CNTN5: variants seen among roughly 807,000 people sequenced by gnomAD.
CNTN5 encodes contactin 5.
Under a neutral mutation model 129.1 loss-of-function variants are expected in CNTN5, and 77 were observed. That is an observed-to-expected ratio of 0.60 (90% confidence interval 0.50 to 0.72). CNTN5 has a LOEUF of 0.72. Among genes scored for constraint, CNTN5 ranks in the 30% least tolerant of loss-of-function variants. The pLI is 0.00. For missense variants in CNTN5, 1,478 were observed against 1,328.8 expected (o/e 1.11, Z -1.75); for synonymous variants, 509 against 465.6 (o/e 1.09, Z -1.20).
At chr11:99,387,756 G>T (rs544588894) in intron 2 of CNTN5, among the ~76,000 whole-genome samples, 10 of 152,148 alleles carry the variant, frequency 6.6e-5, no homozygotes, top group Middle Eastern at 3.4e-3. Context: ...TTGACCTTAT[G>T]CTGGGATATT....
At chr11:100,144,284 A>C (rs1039326137) in intron 13 of CNTN5, among the ~76,000 whole-genome samples, 1 of 152,104 alleles carries the variant, frequency 6.6e-6, no homozygotes, top group Non-Finnish European at 1.5e-5. Flanking sequence ...TTTATTGTAT[A>C]GTGCTGGGGT....
intron 1 of CNTN5, among the ~76,000 whole-genome samples, chr11:99,275,105 A>G (rs1408346429): frequency 6.6e-6 from 1 of 151,306 alleles, no homozygotes; most frequent in Admixed American, 6.6e-5. Context: ...ATTTACTTAT[A>G]TATAATGAAT....
chr11:100,282,942 T>G (rs1462274852), intron 18 of CNTN5, among the ~76,000 whole-genome samples: 2 of 152,218 alleles, frequency 1.3e-5, no homozygotes, highest in East Asian at 3.9e-4. Flanking sequence ...TAAGTTAGCT[T>G]TTGGCGAATG....
At chr11:99,168,118 A>AT (rs1476565165) in intron 1 of CNTN5, among the ~76,000 whole-genome samples, 3 of 151,846 alleles carry the variant, frequency 2.0e-5, no homozygotes, top group African/African-American at 7.3e-5. Flanking sequence ...ATTTTTTAAT[A>AT]TTTTTTGTAG....
At chr11:99,792,213 C>T (rs1350102319) in intron 3 of CNTN5, among the ~76,000 whole-genome samples, 1 of 152,096 alleles carries the variant, frequency 6.6e-6, no homozygotes, top group African/African-American at 2.4e-5. Context: ...TTTGCCTATT[C>T]AGTATGATGT....
intron 3 of CNTN5, among the ~76,000 whole-genome samples, chr11:99,566,966 ATACT>A (rs1240914329): frequency 2.6e-5 from 4 of 152,234 alleles, no homozygotes; most frequent in Non-Finnish European, 4.4e-5. Context: ...AATAAGAATA[ATACT>A]TAATTAGGTT....
intron 1 of CNTN5, among the ~76,000 whole-genome samples, chr11:99,092,007 T>G (rs1298837965): frequency 6.6e-6 from 1 of 152,116 alleles, no homozygotes; most frequent in Admixed American, 6.6e-5. Flanking sequence ...AAGTATGATA[T>G]CCCTGGAATA....
At position 100,163,615 on chromosome 11, in the gene CNTN5, A is replaced by AATC. The variant is rs1295833297; in HGVS notation, c.1581-27509_1581-27507dup. ...AATACCAGAGGTCCTGAAATCAATCAATCAGTTGTCTGACCTACTGCCTAC... is the reference window on the plus strand; with the variant it reads ...AATACCAGAGGTCCTGAAATCAATCAATCATCAGTTGTCTGACCTACTGCCTAC... On this transcript the variant is annotated intron_variant, in intron 13 of 24. Coordinates refer to ENST00000524871, the MANE Select transcript of CNTN5 (RefSeq NM_014361.4). 2.0e-5 allele frequency among the ~76,000 whole-genome samples: 3 copies of AATC among 151,952 alleles called. No individual in the cohort carries two copies. In the East Asian group the frequency reaches 5.8e-4, roughly 30 times the overall value.
intron 3 of CNTN5, among the ~76,000 whole-genome samples, chr11:99,775,252 T>G (rs1027459115): frequency 6.6e-6 from 1 of 152,140 alleles, no homozygotes; most frequent in Non-Finnish European, 1.5e-5. Flanking sequence ...GTAAAATATC[T>G]TGCTTTTTTA....
At chr11:99,921,646 C>T (rs931435175) in intron 7 of CNTN5, among the ~76,000 whole-genome samples, 6 of 152,270 alleles carry the variant, frequency 3.9e-5, no homozygotes, top group African/African-American at 1.2e-4. Flanking sequence ...CATAGTTTGT[C>T]TCCTTCGGTT....
chr11:100,124,942 G>T (rs192439241), intron 13 of CNTN5, among the ~76,000 whole-genome samples: 3 of 152,146 alleles, frequency 2.0e-5, no homozygotes, highest in Admixed American at 2.0e-4. Context: ...AATCTGGATG[G>T]CTTGTTGAAA....
intron 2 of CNTN5, among the ~76,000 whole-genome samples, chr11:99,421,841 G>C (rs947057346): frequency 6.6e-6 from 1 of 151,830 alleles, no homozygotes; most frequent in Non-Finnish European, 1.5e-5. Context: ...TGGAAATATG[G>C]CTTTTACTAG....
chr11:99,138,548 A>T (rs7108350), intron 1 of CNTN5, among the ~76,000 whole-genome samples: 138,259 of 152,242 alleles, frequency 0.91, 63,031 homozygotes, highest in East Asian at 0.99. Flanking sequence ...ATAGGATGTT[A>T]TGACATTTAA....
intron 3 of CNTN5, among the ~76,000 whole-genome samples, chr11:99,713,287 T>TTTG (rs951120277): frequency 2.6e-5 from 4 of 151,186 alleles, no homozygotes; most frequent in Admixed American, 6.6e-5. Flanking sequence ...CTCTCTGTTT[T>TTTG]TTGTTGTTGT....
intron 6 of CNTN5, among the ~76,000 whole-genome samples, chr11:99,904,127 C>G (rs1949431885): frequency 6.6e-6 from 1 of 151,902 alleles, no homozygotes; most frequent in Admixed American, 6.6e-5. Context: ...AATTTTGTAT[C>G]TTATATATGC....
At chr11:99,078,673 T>A (rs1263553066) in intron 1 of CNTN5, among the ~76,000 whole-genome samples, 1 of 152,172 alleles carries the variant, frequency 6.6e-6, no homozygotes, top group African/African-American at 2.4e-5. Flanking sequence ...GTACGTTAAG[T>A]GAAATAATCC....
At chr11:99,628,690 C>G (rs542015557) in intron 3 of CNTN5, among the ~76,000 whole-genome samples, 1 of 92,668 alleles carries the variant, frequency 1.1e-5, no homozygotes, top group South Asian at 3.1e-4. Context: ...TTGAATATAA[C>G]AGCTCATAAA....
chr11:100,002,561 A>G (rs1296097379), intron 9 of CNTN5, among the ~76,000 whole-genome samples: 1 of 152,156 alleles, frequency 6.6e-6, no homozygotes, highest in African/African-American at 2.4e-5. Flanking sequence ...GATAATAGTT[A>G]CATAGTGATC....
intron 3 of CNTN5, among the ~76,000 whole-genome samples, chr11:99,818,652 C>T (rs1408600617): frequency 6.6e-6 from 1 of 152,074 alleles, no homozygotes; most frequent in East Asian, 1.9e-4. Context: ...CCTTATTTCT[C>T]TTTAGAGTTC....
Sources: allele counts gnomAD v4.1 joint callset (sites outside exome capture counted in the v4.1 genomes callset), GRCh38; gene constraint gnomAD v4.1.1; transcripts MANE v1.5; gene names NCBI Gene and HGNC (gene_info 2026-07-23, HGNC 2026-07-21).